The following FRMD4A variants were observed in gnomAD, a reference collection of about 807,000 sequenced individuals.
FRMD4A encodes the protein FERM domain-containing protein 4A.
In FRMD4A, 29 loss-of-function variants were observed where a neutral mutation model predicts 129.1. That is an observed-to-expected ratio of 0.22 (90% CI 0.17 to 0.31). The LOEUF is 0.31. Ranked by LOEUF, FRMD4A falls within the 10% of genes least tolerant of loss-of-function variation. The pLI is 1.00. For synonymous variants in FRMD4A, 634 were observed against 571.6 expected (o/e 1.11, Z -1.56); for missense variants, 1,272 against 1,375.8 (o/e 0.92, Z 1.19).
At chr10:13,844,547 T>C (rs2094015921) in intron 3 of FRMD4A, among the ~76,000 whole-genome samples, 1 of 152,190 alleles carries the variant, frequency 6.6e-6, no homozygotes, top group Admixed American at 6.5e-5. Flanking sequence ...TTTATTGTAG[T>C]AACATATCTT....
intron 3 of FRMD4A, among the ~76,000 whole-genome samples, chr10:13,845,811 T>C (rs143698784): frequency 6.6e-6 from 1 of 152,266 alleles, no homozygotes; most frequent in Non-Finnish European, 1.5e-5. Context: ...ATGAAGAAAC[T>C]GAAGGTTAAG....
chr10:13,721,905 T>G (rs1216927286), intron 12 of FRMD4A, among the ~76,000 whole-genome samples: 1 of 152,216 alleles, frequency 6.6e-6, no homozygotes, highest in Non-Finnish European at 1.5e-5. Context: ...CTCTCAGCTG[T>G]GACTTCTACT....
At chr10:14,157,730 G>GAT (rs796419173) in intron 2 of FRMD4A, among the ~76,000 whole-genome samples, 4 of 152,272 alleles carry the variant, frequency 2.6e-5, no homozygotes, top group African/African-American at 9.6e-5. Flanking sequence ...ACACAAGGCG[G>GAT]ATTTCTAACA....
At chr10:14,053,395 A>C (rs1179870307) in intron 2 of FRMD4A, among the ~76,000 whole-genome samples, 2 of 152,124 alleles carry the variant, frequency 1.3e-5, no homozygotes, top group East Asian at 3.9e-4. Context: ...TGCAGGGGGC[A>C]CCTTGTGCAG....
At chr10:13,833,619 C>G (rs984608210) in intron 3 of FRMD4A, among the ~76,000 whole-genome samples, 1 of 152,054 alleles carries the variant, frequency 6.6e-6, no homozygotes, top group Non-Finnish European at 1.5e-5. Flanking sequence ...GTTAAATGAA[C>G]CTGTCAATAC....
chr10:13,761,349 G>A (rs1032839474), intron 8 of FRMD4A, among the ~76,000 whole-genome samples: 1 of 152,180 alleles, frequency 6.6e-6, no homozygotes, highest in South Asian at 2.1e-4. Context: ...CAGCCTCTAC[G>A]AGACATTTGA....
intron 6 of FRMD4A, among the ~76,000 whole-genome samples, chr10:13,765,101 A>ATTTTTTTTT (rs10708906): frequency 1.6e-5 from 2 of 125,276 alleles, no homozygotes; most frequent in Non-Finnish European, 3.3e-5. Flanking sequence ...TCAAGGATTG[A>ATTTTTTTTT]TTTTTTTTTT....
At chr10:14,127,905 G>A (rs75380403) in intron 2 of FRMD4A, among the ~76,000 whole-genome samples, 1 of 136,480 alleles carries the variant, frequency 7.3e-6, no homozygotes, top group Non-Finnish European at 1.6e-5. Flanking sequence ...TTTATATTTT[G>A]CTTTCTTTCT....
chr10:14,021,766 G>A (rs1194935631), intron 2 of FRMD4A, among the ~76,000 whole-genome samples: 2 of 151,984 alleles, frequency 1.3e-5, no homozygotes, highest in African/African-American at 4.8e-5. Context: ...ATCCATACAT[G>A]TTTTATGGAC....
At position 14,262,633 on chromosome 10, in the gene FRMD4A, CA is replaced by C. The variant is rs754722641; in HGVS notation, c.45+67424del. 2.0e-5 allele frequency among the ~76,000 whole-genome samples: 3 copies of C among 152,244 alleles called. No individual in the cohort carries two copies. In the South Asian group the frequency reaches 6.2e-4, roughly 32 times the overall value. ...CCAGAGCTCATGAGTTAAAGACACA[CA>C]AAAGGCTCCTGGGTGGTGAGGAGCA... On this transcript the variant is annotated intron_variant, in intron 2 of 24. Coordinates refer to ENST00000357447, the MANE Select transcript of FRMD4A (RefSeq NM_018027.5).
At chr10:13,851,684 G>A (rs563498132) in intron 3 of FRMD4A, among the ~76,000 whole-genome samples, 2 of 152,150 alleles carry the variant, frequency 1.3e-5, no homozygotes, top group South Asian at 2.1e-4. Context: ...GGTGGATCAT[G>A]AGGTCAGGAG....
At chr10:14,142,373 T>C (rs1236997597) in intron 2 of FRMD4A, among the ~76,000 whole-genome samples, 4 of 152,202 alleles carry the variant, frequency 2.6e-5, no homozygotes, top group African/African-American at 4.8e-5. Flanking sequence ...GAAAATTTGA[T>C]CTAGTAAAAT....
At chr10:13,883,561 T>C (rs1255687633) in intron 2 of FRMD4A, among the ~76,000 whole-genome samples, 1 of 152,222 alleles carries the variant, frequency 6.6e-6, no homozygotes, top group South Asian at 2.1e-4. Flanking sequence ...TCGTATTCTC[T>C]GAGTATTTGG....
intron 2 of FRMD4A, among the ~76,000 whole-genome samples, chr10:14,120,742 G>A (rs180933646): frequency 3.9e-5 from 6 of 152,264 alleles, no homozygotes; most frequent in Non-Finnish European, 7.3e-5. Flanking sequence ...TTGATTTTAC[G>A]TGAGTGAGAA....
rs9665319 is a variant in FRMD4A at position 13,658,897 on chromosome 10, A to G, written c.2066+426T>C. On this transcript the variant is annotated intron_variant, in intron 21 of 24. Transcript: ENST00000357447. Reference sequence around the variant, plus strand: ...ACTCCATCTCAAAAAAAAAAAAAAAAAAAGAAACAGAAGGTGTGATTCACT... The same window carrying G: ...ACTCCATCTCAAAAAAAAAAAAAAAGAAAGAAACAGAAGGTGTGATTCACT... 8.1e-3 allele frequency among the ~76,000 whole-genome samples: 1,233 copies of G among 151,904 alleles called. 17 individuals carry two copies. The highest frequency in any genetic ancestry group is 0.026 in the African/African-American group (1,082 of 41,382).
intron 2 of FRMD4A, among the ~76,000 whole-genome samples, chr10:13,929,609 G>A (rs1212367898): frequency 6.6e-6 from 1 of 152,170 alleles, no homozygotes; most frequent in African/African-American, 2.4e-5. Context: ...GAAAAAATTG[G>A]GGGACAGTAG....
At chr10:14,176,710 C>T (rs1369796478) in intron 2 of FRMD4A, among the ~76,000 whole-genome samples, 1 of 151,972 alleles carries the variant, frequency 6.6e-6, no homozygotes, top group East Asian at 1.9e-4. Context: ...CCTGACCTCA[C>T]GATCCACCCC....
At chr10:14,072,160 G>A (rs139117952) in intron 2 of FRMD4A, among the ~76,000 whole-genome samples, 1 of 152,096 alleles carries the variant, frequency 6.6e-6, no homozygotes, top group African/African-American at 2.4e-5. Flanking sequence ...GCTTTCTTCT[G>A]GATATCTAGT....
intron 2 of FRMD4A, among the ~76,000 whole-genome samples, chr10:14,207,483 C>G (rs983636840): frequency 1.2e-4 from 18 of 152,130 alleles, no homozygotes; most frequent in African/African-American, 3.9e-4. Context: ...ACCCCCTGGT[C>G]TATAGTACAA....
Sources: gnomAD v4.1 joint callset for allele counts (sites outside exome capture counted in the v4.1 genomes callset) on GRCh38, gnomAD v4.1.1 for gene constraint, MANE v1.5 for transcripts, NCBI Gene and HGNC (gene_info 2026-07-23, HGNC 2026-07-21) for gene names.